Variants in TULP4 observed in about 807,000 individuals in gnomAD.
The protein encoded by TULP4 is tubby-related protein 4.
Under a neutral mutation model 129.0 loss-of-function variants are expected in TULP4, and 16 were observed. That is an observed-to-expected ratio of 0.12 (90% CI 0.08 to 0.19). TULP4 has a LOEUF of 0.19. TULP4 is among the 10% of genes least tolerant of loss of function. The pLI, the probability that TULP4 is intolerant of heterozygous loss-of-function variation, is 1.00. For synonymous variants in TULP4, 998 were observed against 854.0 expected (o/e 1.17, Z -2.94); for missense variants, 1,842 against 2,059.1 (o/e 0.89, Z 2.04).
At chr6:158,455,689 AT>A (rs1269997431) in intron 5 of TULP4, among the ~76,000 whole-genome samples, 2 of 151,176 alleles carry the variant, frequency 1.3e-5, no homozygotes, top group Admixed American at 1.3e-4. Context: ...ATGAGCTGAG[AT>A]TGCGCCATTG....
chr6:158,436,482 T>A (rs1190686179), intron 3 of TULP4, among the ~76,000 whole-genome samples: 1 of 152,190 alleles, frequency 6.6e-6, no homozygotes, highest in African/African-American at 2.4e-5. Context: ...TTTGAAAACA[T>A]GATTATATTT....
intron 1 of TULP4, among the ~76,000 whole-genome samples, chr6:158,249,744 A>C (rs982555929): frequency 1.3e-5 from 2 of 152,218 alleles, no homozygotes; most frequent in Non-Finnish European, 2.9e-5. Flanking sequence ...TTAACCTTTA[A>C]TTTTAACTAT....
intron 1 of TULP4, among the ~76,000 whole-genome samples, chr6:158,249,381 T>G (rs1778095586): frequency 6.6e-6 from 1 of 151,986 alleles, no homozygotes; most frequent in South Asian, 2.1e-4. Context: ...AAAGCTCACA[T>G]TTTGCTTATC....
intron 1 of TULP4, among the ~76,000 whole-genome samples, chr6:158,235,760 A>G (rs989526143): frequency 5.9e-5 from 9 of 152,262 alleles, no homozygotes; most frequent in Admixed American, 5.9e-4. Flanking sequence ...GTGGTACTTC[A>G]TGATGATCAG....
intron 1 of TULP4, among the ~76,000 whole-genome samples, chr6:158,321,117 G>A (rs1171474438): frequency 6.6e-6 from 1 of 151,980 alleles, no homozygotes; most frequent in Non-Finnish European, 1.5e-5. Context: ...CTACTGAAAT[G>A]AACTCCTCAA....
intron 2 of TULP4, among the ~76,000 whole-genome samples, chr6:158,414,870 A>G (rs1406227147): frequency 6.6e-6 from 1 of 152,222 alleles, no homozygotes; most frequent in Non-Finnish European, 1.5e-5. Context: ...CCCTGTTCCA[A>G]AAATATCATT....
chr6:158,268,035 C>CTTTTTTTTT (rs773811376), intron 1 of TULP4, among the ~76,000 whole-genome samples: 4 of 72,760 alleles, frequency 5.5e-5, no homozygotes, highest in Admixed American at 1.8e-4. Flanking sequence ...TTTCTTTTTT[C>CTTTTTTTTT]TTTTTTTTTT....
At chr6:158,242,914 T>C in intron 1 of TULP4, 1 of 184,236 alleles carries the variant, frequency 5.4e-6, no homozygotes, top group Non-Finnish European at 1.1e-5. Context: ...GCTTCCCAAG[T>C]AGCTGGGATT....
At chr6:158,388,130 C>G (rs1481426366) in intron 1 of TULP4, among the ~76,000 whole-genome samples, 3 of 152,038 alleles carry the variant, frequency 2.0e-5, no homozygotes, top group African/African-American at 4.8e-5. Flanking sequence ...ATGGTTTAGC[C>G]AGAGTAATCT....
chr6:158,313,722 G>T lies in TULP4; in HGVS notation c.-295G>T, dbSNP rs1003281720. 12 of 491,862 alleles carry T rather than the reference G, an allele frequency of 2.4e-5. No individual in the cohort carries two copies. Among genetic ancestry groups the T allele is most frequent in the African/African-American group, 2.3e-4 (12 of 51,070 alleles). The allele number at this position is 491,862 out of a possible 1,614,324, so 30.5% of individuals were successfully genotyped here. A position where few individuals can be genotyped will look rare whatever the true frequency, so the allele number is the denominator to read the frequency against. On this transcript the variant is annotated 5_prime_UTR_variant, in exon 1 of 14. Coordinates refer to ENST00000367097, the MANE Select transcript of TULP4 (RefSeq NM_020245.5). ...AATTAACGATGCTCTTTCTCCAAAGGATCAGCACGTTCTTCCTCTGAGAAC... is the reference window on the plus strand; with the variant it reads ...AATTAACGATGCTCTTTCTCCAAAGTATCAGCACGTTCTTCCTCTGAGAAC...
chr6:158,241,019 C>G (rs1371644294), intron 1 of TULP4, among the ~76,000 whole-genome samples: 3 of 138,456 alleles, frequency 2.2e-5, no homozygotes, highest in Non-Finnish European at 1.6e-5. Context: ...AGGGTCTCCT[C>G]ACTTCTCAGA....
At chr6:158,342,617 A>G (rs958486516) in intron 1 of TULP4, among the ~76,000 whole-genome samples, 2 of 152,242 alleles carry the variant, frequency 1.3e-5, no homozygotes, top group Admixed American at 6.5e-5. Context: ...TACTTTAAAT[A>G]CAAATGCAAG....
intron 1 of TULP4, among the ~76,000 whole-genome samples, chr6:158,239,453 G>T (rs1583664513): frequency 1.6e-5 from 1 of 62,658 alleles, no homozygotes; most frequent in Non-Finnish European, 3.5e-5. Context: ...GGCTGGCCGG[G>T]TGGGGGGCTG....
chr6:158,430,530 G>T (rs1778605476), intron 3 of TULP4, among the ~76,000 whole-genome samples: 1 of 152,084 alleles, frequency 6.6e-6, no homozygotes, highest in Non-Finnish European at 1.5e-5. Context: ...ATCACCTAAG[G>T]TCAGGATTTC....
In TULP4 at chr6:158,488,736, G is replaced by T. The variant is rs1176515722; in HGVS notation, c.1487-852G>T. Among the ~76,000 whole-genome samples, 3 of 149,734 alleles carry T rather than the reference G, an allele frequency of 2.0e-5. No individual in the cohort carries two copies. The East Asian group carries it at 5.9e-4, about 30-fold the overall frequency. On this transcript the variant is annotated intron_variant, in intron 8 of 13. Transcript: ENST00000367097. Reference sequence around the variant, plus strand: ...CCTTGAGGCAATGAGATTTTCATCAGAAAAACAAAGTAATCTGGAAGAATG... The same window carrying T: ...CCTTGAGGCAATGAGATTTTCATCATAAAAACAAAGTAATCTGGAAGAATG...
Position 158,435,669 on chromosome 6 carries a change from G to A in TULP4, c.543+5772G>A, listed in dbSNP as rs186230920. ...GCTGCTGGCTCCCCACACCTATCCCGCGCTCATCGCTCTTGTCCTTCACAC... is the reference window on the plus strand; with the variant it reads ...GCTGCTGGCTCCCCACACCTATCCCACGCTCATCGCTCTTGTCCTTCACAC... On this transcript the variant is annotated intron_variant, in intron 3 of 13. Transcript: ENST00000367097. 3.3e-4 allele frequency among the ~76,000 whole-genome samples: 50 copies of A among 151,976 alleles called. 1 individual carries two copies. The East Asian group carries it at 5.6e-3, about 17-fold the overall frequency.
At chr6:158,245,302 A>T (rs1356097821) in intron 1 of TULP4, among the ~76,000 whole-genome samples, 2 of 151,964 alleles carry the variant, frequency 1.3e-5, no homozygotes, top group African/African-American at 4.8e-5. Flanking sequence ...GCCTAGACCC[A>T]ATTTAGTCCT....
At chr6:158,473,127 G>A (rs776676008) in intron 6 of TULP4, among the ~76,000 whole-genome samples, 2 of 152,144 alleles carry the variant, frequency 1.3e-5, no homozygotes, top group African/African-American at 4.8e-5. Flanking sequence ...AGAGAAGGTG[G>A]AAAAAGATGG....
intron 8 of TULP4, among the ~76,000 whole-genome samples, chr6:158,481,890 GA>G (rs1352774298): frequency 6.6e-6 from 1 of 152,184 alleles, no homozygotes; most frequent in Non-Finnish European, 1.5e-5. Context: ...TGGGATCCTA[GA>G]TTGTAAGCTT....
Sources: gnomAD v4.1 joint callset for allele counts (sites outside exome capture counted in the v4.1 genomes callset) on GRCh38, gnomAD v4.1.1 for gene constraint, MANE v1.5 for transcripts, NCBI Gene and HGNC (gene_info 2026-07-23, HGNC 2026-07-21) for gene names.